COL5A2: variants seen among roughly 807,000 people sequenced by gnomAD.
COL5A2 encodes collagen type V alpha 2 chain, also known as collagen alpha-2(V) chain.
A neutral mutation model predicts 208.2 loss-of-function variants in COL5A2; 23 were observed. The observed-to-expected ratio is 0.11, with a 90% CI of 0.08 to 0.16. COL5A2 has a LOEUF of 0.16. Among genes scored for constraint, COL5A2 ranks in the 10% least tolerant of loss-of-function variants. The pLI, the probability that COL5A2 is intolerant of heterozygous loss-of-function variation, is 1.00. For missense variants in COL5A2, 1,590 were observed against 1,956.4 expected, an observed-to-expected ratio of 0.81 and a Z score of 3.53; for synonymous variants, 625 against 628.5, an observed-to-expected ratio of 0.99 and a Z score of 0.08.
chr2:189,251,670 AC>A, the COL5A2 span, among the ~76,000 whole-genome samples: 63 of 151,640 alleles, frequency 4.2e-4, no homozygotes, highest in South Asian at 6.1e-3. Context: ...AAAAAAAAAA[AC>A]ATTTTAAAAA....
chr2:189,255,078 C>G, the COL5A2 span, among the ~76,000 whole-genome samples: 4 of 152,324 alleles, frequency 2.6e-5, no homozygotes, highest in Non-Finnish European at 4.4e-5. Flanking sequence ...TTCTACCAAT[C>G]AGAAAACAGG....
chr2:189,270,387 A>C, the COL5A2 span, among the ~76,000 whole-genome samples: 3,914 of 152,146 alleles, frequency 0.026, 174 homozygotes, highest in African/African-American at 0.09. Context: ...CCTTCTACAC[A>C]CTGCTTTAAA....
the COL5A2 span, among the ~76,000 whole-genome samples, chr2:189,253,031 G>A: frequency 2.6e-5 from 4 of 152,178 alleles, no homozygotes; most frequent in Non-Finnish European, 5.9e-5. Flanking sequence ...TCAGATCTGT[G>A]TTATTGAAAG....
At chr2:189,041,888 A>C (rs1685569153) in intron 49 of COL5A2, among the ~76,000 whole-genome samples, 195 bp from the exon 50 acceptor site, 1 of 152,246 alleles carries the variant, frequency 6.6e-6, no homozygotes, top group African/African-American at 2.4e-5. Context: ...TCCATCATCC[A>C]TGCATGGTAA....
chr2:189,327,443 G>T, the COL5A2 span, among the ~76,000 whole-genome samples: 1 of 152,072 alleles, frequency 6.6e-6, no homozygotes, highest in African/African-American at 2.4e-5. Context: ...CAGAATTAGA[G>T]AGAAAGGGAA....
rs1685637089 is a variant in COL5A2 at position 189,045,092 on chromosome 2, T to G, written c.3363+87A>C. 3 of 844,004 alleles carry G rather than the reference T, an allele frequency of 3.6e-6. No homozygotes were observed. In the African/African-American group the frequency reaches 5.2e-5, roughly 15 times the overall value. 52.3% of individuals were successfully genotyped at this position (844,004 alleles called of 1,614,324 possible). A position where few individuals can be genotyped will look rare whatever the true frequency, so the allele number is the denominator to read the frequency against. ...TTCAAGCTTGAGGAATTTCATATTT[T>G]TCAGTTATGAATCTTAAATTATACT... On this transcript the variant is annotated intron_variant, in intron 47 of 53. Coordinates refer to ENST00000374866, the MANE Select transcript of COL5A2 (RefSeq NM_000393.5).
chr2:189,292,643 G>A, the COL5A2 span, among the ~76,000 whole-genome samples: 1 of 152,084 alleles, frequency 6.6e-6, no homozygotes, highest in Non-Finnish European at 1.5e-5. Context: ...GGAACACTTT[G>A]ACACTGTTGG....
chr2:189,163,385 C>T (rs1228014179), intron 1 of COL5A2, among the ~76,000 whole-genome samples: 1 of 152,148 alleles, frequency 6.6e-6, no homozygotes, highest in Non-Finnish European at 1.5e-5. Context: ...TAACACAACA[C>T]ATGATGCATT....
At chr2:189,062,944 A>T in intron 28 of COL5A2, 26 bp from the exon 29 acceptor site, 6 of 1,614,042 alleles carry the variant, frequency 3.7e-6, no homozygotes, top group Non-Finnish European at 5.1e-6. Flanking sequence ...GATATTTGTG[A>T]GGTGAGTCTA....
At chr2:189,393,280 C>T in the COL5A2 span, among the ~76,000 whole-genome samples, 4 of 152,036 alleles carry the variant, frequency 2.6e-5, no homozygotes, top group Non-Finnish European at 5.9e-5. Flanking sequence ...TGGCAATATC[C>T]TTGTTTATTC....
At chr2:189,360,991 T>C in the COL5A2 span, among the ~76,000 whole-genome samples, 3 of 152,106 alleles carry the variant, frequency 2.0e-5, no homozygotes, top group Admixed American at 1.3e-4. Flanking sequence ...TTTTTTAATT[T>C]GTTAAGAATT....
the COL5A2 span, among the ~76,000 whole-genome samples, chr2:189,237,332 T>C: frequency 6.6e-6 from 1 of 151,576 alleles, no homozygotes; most frequent in South Asian, 2.1e-4. Context: ...TTTTATCTCT[T>C]ATTTCACAGA....
the COL5A2 span, among the ~76,000 whole-genome samples, chr2:189,265,229 G>A: frequency 6.6e-6 from 1 of 152,000 alleles, no homozygotes; most frequent in African/African-American, 2.4e-5. Flanking sequence ...ATCAGCAAAA[G>A]AAAAAAATAG....
chr2:189,320,423 G>T, the COL5A2 span, among the ~76,000 whole-genome samples: 1 of 152,118 alleles, frequency 6.6e-6, no homozygotes, highest in African/African-American at 2.4e-5. Context: ...CTTGAAAAAA[G>T]ATTACACGAA....
chr2:189,175,944 A>T (rs1398892473), intron 1 of COL5A2, among the ~76,000 whole-genome samples: 1 of 152,216 alleles, frequency 6.6e-6, no homozygotes, highest in East Asian at 1.9e-4. Flanking sequence ...CATAGCATGT[A>T]TTTCAACAGT....
At chr2:189,368,172 CTTAT>C in the COL5A2 span, among the ~76,000 whole-genome samples, 1 of 152,160 alleles carries the variant, frequency 6.6e-6, no homozygotes, top group Admixed American at 6.5e-5. Flanking sequence ...GACGAGCAAA[CTTAT>C]TTGACATCAA....
chr2:189,057,783 A>G (rs1685933781), intron 33 of COL5A2, among the ~76,000 whole-genome samples: 1 of 152,234 alleles, frequency 6.6e-6, no homozygotes, highest in African/African-American at 2.4e-5. Context: ...CTCTTTAATG[A>G]AACTGATATT....
chr2:189,078,098 A>T (rs1010877863), intron 16 of COL5A2, among the ~76,000 whole-genome samples: 1 of 152,158 alleles, frequency 6.6e-6, no homozygotes, highest in African/African-American at 2.4e-5. Flanking sequence ...CAGAGTAACC[A>T]CCTTTTAGGA....
the COL5A2 span, among the ~76,000 whole-genome samples, chr2:189,323,091 G>A: frequency 7.2e-5 from 11 of 152,106 alleles, no homozygotes; most frequent in East Asian, 3.8e-4. Flanking sequence ...CTCAATAGAC[G>A]CAGAAAAGGC....
Sources: allele counts gnomAD v4.1 joint callset (sites outside exome capture counted in the v4.1 genomes callset), GRCh38; gene constraint gnomAD v4.1.1; transcripts MANE v1.5; gene names NCBI Gene and HGNC (gene_info 2026-07-23, HGNC 2026-07-21).